Variants in SPATA17 observed in about 807,000 individuals in gnomAD.
SPATA17 encodes spermatogenesis-associated protein 17.
In SPATA17, 53 loss-of-function variants were observed where a neutral mutation model predicts 62.2. The ratio of observed to expected loss-of-function variants is 0.85; its 90% CI spans 0.68 to 1.07. The LOEUF (loss-of-function observed/expected upper bound fraction) is 1.07, where lower values mean the gene tolerates loss of function less well. Among genes scored for constraint, SPATA17 ranks in the 50% least tolerant of loss-of-function variants. The pLI is 0.00. For synonymous variants in SPATA17, 146 were observed against 146.8 expected, an observed-to-expected ratio of 0.99 and a Z score of 0.04; for missense variants, 466 against 425.5, an observed-to-expected ratio of 1.10 and a Z score of -0.84.
rs1415909254 is a variant in SPATA17 at position 217,862,588 on chromosome 1, T to A, written c.1006-186T>A. On this transcript the variant is annotated intron_variant, in intron 9 of 10. Transcript: ENST00000366933. Reference sequence around the variant, plus strand: ...AGACTATGTGCCAGGAAATTCAGTATGCCTGATTTTCAACTGATAAAACTT... The same window carrying A: ...AGACTATGTGCCAGGAAATTCAGTAAGCCTGATTTTCAACTGATAAAACTT... Among the ~76,000 whole-genome samples, 5 of 152,218 alleles carry A rather than the reference T, an allele frequency of 3.3e-5. No homozygotes were observed. In the East Asian group the frequency reaches 9.6e-4, roughly 29 times the overall value.
chr1:217,819,581 T>A (rs1674810353), intron 9 of SPATA17, among the ~76,000 whole-genome samples: 1 of 152,004 alleles, frequency 6.6e-6, no homozygotes, highest in Non-Finnish European at 1.5e-5. Context: ...GTGTTCTCTG[T>A]GCCCCTCACC....
In SPATA17 at chr1:217,739,173, A is replaced by G. The variant is rs1305484298; in HGVS notation, c.396-2802A>G. On this transcript the variant is annotated intron_variant, in intron 5 of 10. Coordinates refer to ENST00000366933, the MANE Select transcript of SPATA17 (RefSeq NM_138796.4). ...CTATATCAGAAAATGTTTTATAGAT[A>G]TGAAAACAGGGCAGAGAGTCTTGGA... 2.0e-5 allele frequency among the ~76,000 whole-genome samples: 3 copies of G among 151,598 alleles called. No individual in the cohort carries two copies. The South Asian group carries it at 6.2e-4, about 31-fold the overall frequency.
chr1:217,719,671 A>G (rs753551931), intron 5 of SPATA17, among the ~76,000 whole-genome samples: 1 of 152,242 alleles, frequency 6.6e-6, no homozygotes, highest in Non-Finnish European at 1.5e-5. Context: ...ATACAAGATG[A>G]ATAACTTTTA....
At chr1:217,723,609 A>G (rs1362936183) in intron 5 of SPATA17, among the ~76,000 whole-genome samples, 1 of 152,198 alleles carries the variant, frequency 6.6e-6, no homozygotes. Context: ...CTTGAAACAT[A>G]GTGGGAACTC....
At chr1:217,792,883 G>A (rs560308514) in intron 8 of SPATA17, among the ~76,000 whole-genome samples, 3 of 152,166 alleles carry the variant, frequency 2.0e-5, no homozygotes, top group Middle Eastern at 3.4e-3. Flanking sequence ...TCTGACTTAG[G>A]TGACTGGCTA....
intron 9 of SPATA17, among the ~76,000 whole-genome samples, chr1:217,821,569 G>A (rs1674863384): frequency 6.6e-6 from 1 of 152,004 alleles, no homozygotes; most frequent in Non-Finnish European, 1.5e-5. Flanking sequence ...GAGTTGGTTC[G>A]ATTAGGTAAA....
intron 3 of SPATA17, among the ~76,000 whole-genome samples, chr1:217,655,429 G>A (rs1268665250): frequency 2.0e-5 from 3 of 152,104 alleles, no homozygotes; most frequent in Non-Finnish European, 4.4e-5. Flanking sequence ...TTAAAGTAGT[G>A]TCTCTCGGGT....
At chr1:217,642,751 T>G (rs377102322) in intron 1 of SPATA17, among the ~76,000 whole-genome samples, 5 of 152,202 alleles carry the variant, frequency 3.3e-5, no homozygotes, top group South Asian at 2.1e-4. Flanking sequence ...CATGTGTGCT[T>G]CTTCTTCCAC....
intron 5 of SPATA17, among the ~76,000 whole-genome samples, chr1:217,718,738 T>C (rs903832047): frequency 6.6e-6 from 1 of 152,158 alleles, no homozygotes; most frequent in African/African-American, 2.4e-5. Context: ...GTCAATCTTA[T>C]TATGTTTAAA....
chr1:217,804,758 A>G (rs1674394429), intron 9 of SPATA17, among the ~76,000 whole-genome samples: 1 of 152,254 alleles, frequency 6.6e-6, no homozygotes, highest in Non-Finnish European at 1.5e-5. Context: ...AAAAGAAGAC[A>G]TGCAAATGGC....
At chr1:217,704,352 G>C (rs373473189) in intron 5 of SPATA17, among the ~76,000 whole-genome samples, 1 of 143,344 alleles carries the variant, frequency 7.0e-6, no homozygotes, top group African/African-American at 2.6e-5. Context: ...CCGGGTTCAC[G>C]CCATTCTCCT....
chr1:217,818,817 T>C (rs1674784665), intron 9 of SPATA17, among the ~76,000 whole-genome samples: 1 of 151,582 alleles, frequency 6.6e-6, no homozygotes, highest in South Asian at 2.1e-4. Flanking sequence ...TAATGTTGAA[T>C]CTTTCTTTGC....
In SPATA17 at chr1:217,832,173, C is replaced by T. The variant is rs186101372; in HGVS notation, c.1005+30323C>T. On this transcript the variant is annotated intron_variant, in intron 9 of 10. Transcript: ENST00000366933. ...AATCTGAAAAATCCTTATCTACTTT[C>T]CAGTTCTAATAACATAATTAAAGAA... Among the ~76,000 whole-genome samples, 595 of 152,084 alleles carry T rather than the reference C, an allele frequency of 3.9e-3. 5 individuals carry two copies. Among genetic ancestry groups the T allele is most frequent in the Admixed American group, 6.8e-3 (103 of 15,258 alleles).
At chr1:217,729,243 T>C (rs555847522) in intron 5 of SPATA17, among the ~76,000 whole-genome samples, 1 of 152,292 alleles carries the variant, frequency 6.6e-6, no homozygotes, top group African/African-American at 2.4e-5. Flanking sequence ...TTCTTTGAAT[T>C]CATCCAAAGC....
At chr1:217,749,824 A>T (rs4846432) in intron 6 of SPATA17, among the ~76,000 whole-genome samples, 1 of 150,058 alleles carries the variant, frequency 6.7e-6, no homozygotes, top group Admixed American at 6.6e-5. Flanking sequence ...CAGCGTAAGC[A>T]TTCAAAATTC....
chr1:217,638,541 T>C (rs1189419895), intron 1 of SPATA17, among the ~76,000 whole-genome samples: 2 of 152,192 alleles, frequency 1.3e-5, no homozygotes, highest in Non-Finnish European at 2.9e-5. Context: ...TACTGTCTTA[T>C]CAGTTTATCA....
At chr1:217,819,160 C>G (rs180717294) in intron 9 of SPATA17, among the ~76,000 whole-genome samples, 1 of 151,494 alleles carries the variant, frequency 6.6e-6, no homozygotes, top group Non-Finnish European at 1.5e-5. Context: ...TTTGCTGAAA[C>G]ATTTGAATTC....
intron 6 of SPATA17, among the ~76,000 whole-genome samples, chr1:217,748,743 CAAAAAA>C (rs34000760): frequency 4.3e-5 from 5 of 115,372 alleles, no homozygotes; most frequent in Non-Finnish European, 1.8e-5. Flanking sequence ...GACTCTGACT[CAAAAAA>C]AAAAAAAAAA....
intron 8 of SPATA17, among the ~76,000 whole-genome samples, chr1:217,789,571 T>C (rs577929533): frequency 2.8e-4 from 43 of 152,196 alleles, no homozygotes; most frequent in Admixed American, 2.5e-3. Flanking sequence ...CAGGAGCAAA[T>C]TTCAGGAGAG....
Sources: allele counts gnomAD v4.1 joint callset (sites outside exome capture counted in the v4.1 genomes callset), GRCh38; gene constraint gnomAD v4.1.1; transcripts MANE v1.5; gene names NCBI Gene and HGNC (gene_info 2026-07-23, HGNC 2026-07-21).